CASR: variants seen among roughly 807,000 people sequenced by gnomAD.
CASR encodes calcium sensing receptor, also known as extracellular calcium-sensing receptor.
In CASR, 23 loss-of-function variants were observed where a neutral mutation model predicts 69.1. That is an observed-to-expected ratio of 0.33 (90% confidence interval 0.24 to 0.47). CASR has a LOEUF of 0.47. Among genes scored for constraint, CASR ranks in the 20% least tolerant of loss-of-function variants. The probability of loss-of-function intolerance (pLI) is 1.00; values close to 1 mark genes in which losing one functional copy is unlikely to be tolerated. For synonymous variants in CASR, 541 were observed against 544.7 expected (o/e 0.99, Z 0.10); for missense variants, 924 against 1,356.1 (o/e 0.68, Z 5.00).
At chr3:122,193,948 C>T (rs1342138106) in intron 1 of CASR, among the ~76,000 whole-genome samples, 1 of 152,026 alleles carries the variant, frequency 6.6e-6, no homozygotes, top group Non-Finnish European at 1.5e-5. Context: ...CTCCCAATAA[C>T]CCTCATTTAA....
chr3:122,283,589 C>G (rs1460916527), intron 6 of CASR, 98 bp from the exon 7 acceptor site: 10 of 935,106 alleles, frequency 1.1e-5, no homozygotes, highest in Non-Finnish European at 1.6e-5. Flanking sequence ...ATGTAGTGAC[C>G]ACATCCAAAA....
intron 2 of CASR, among the ~76,000 whole-genome samples, chr3:122,256,438 G>T (rs2074555000): frequency 6.6e-6 from 1 of 152,104 alleles, no homozygotes; most frequent in South Asian, 2.1e-4. Context: ...GCAGAAGACA[G>T]ATACAAATTA....
intron 4 of CASR, among the ~76,000 whole-genome samples, chr3:122,265,567 G>C (rs2074683335): frequency 6.6e-6 from 1 of 152,208 alleles, no homozygotes; most frequent in Non-Finnish European, 1.5e-5. Flanking sequence ...GTGAATAGCA[G>C]TCTAGTTGAT....
intron 1 of CASR, among the ~76,000 whole-genome samples, chr3:122,236,546 T>C (rs555727540): frequency 1.0e-3 from 155 of 152,206 alleles, no homozygotes; most frequent in Middle Eastern, 3.4e-3. Context: ...TATTTGGGGA[T>C]TAAAAAAACA....
rs1328381980 is a variant in CASR at position 122,286,839 on chromosome 3, C to T, written c.*1648C>T. 1.3e-5 allele frequency: 2 copies of T among 152,262 alleles called. No homozygotes were observed. The highest frequency in any genetic ancestry group is 1.9e-4 in the East Asian group (1 of 5,198). The allele number at this position is 152,262 out of a possible 1,614,324, so 9.4% of individuals were successfully genotyped here. On this transcript the variant is annotated 3_prime_UTR_variant, in exon 7 of 7. Transcript: ENST00000639785. ...TCTCCTGAAGCCTCAAATTTTACAG[C>T]TCTTGGTGACTTCTTCCCCTGACCA...
At chr3:122,262,551 C>A (rs2074641050) in intron 4 of CASR, 139 bp downstream of exon 4, 2 of 748,060 alleles carry the variant, frequency 2.7e-6, no homozygotes, top group East Asian at 2.7e-5. Flanking sequence ...ATTCAAAGTA[C>A]CTTTTTTAAA....
intron 2 of CASR, 129 bp from the exon 3 acceptor site, chr3:122,256,952 G>A (rs1218724314): frequency 2.5e-6 from 2 of 807,586 alleles, no homozygotes; most frequent in Non-Finnish European, 2.1e-6. Context: ...AGAGGGCTCT[G>A]TACAGAGCAT....
chr3:122,206,273 T>C (rs1346034448), intron 1 of CASR, among the ~76,000 whole-genome samples: 3 of 151,870 alleles, frequency 2.0e-5, no homozygotes, highest in African/African-American at 7.2e-5. Flanking sequence ...TGAGGGTTTT[T>C]TTTTTTATCA....
chr3:122,185,927 C>T (rs1432506082), intron 1 of CASR, among the ~76,000 whole-genome samples: 2 of 152,074 alleles, frequency 1.3e-5, no homozygotes, highest in Admixed American at 6.6e-5. Flanking sequence ...AGAGCCCTGT[C>T]ATTTGGGAAC....
chr3:122,243,386 A>G (rs2074396902), intron 1 of CASR, among the ~76,000 whole-genome samples: 1 of 152,196 alleles, frequency 6.6e-6, no homozygotes, highest in Non-Finnish European at 1.5e-5. Flanking sequence ...CTTTCTCAAA[A>G]GAAGACATAT....
At position 122,283,676 on chromosome 3, in the gene CASR, A is replaced by G. The variant is rs780819355; in HGVS notation, c.1733-11A>G. On this transcript the variant is annotated splice_polypyrimidine_tract_variant and intron_variant, in intron 6 of 6. Coordinates refer to ENST00000639785, the MANE Select transcript of CASR (RefSeq NM_000388.4). Reference sequence around the variant, plus strand: ...ACACAATAACTCACTCTTCACTGGGACATTTTACAGATGCCAGTGCCTGTA... The same window carrying G: ...ACACAATAACTCACTCTTCACTGGGGCATTTTACAGATGCCAGTGCCTGTA... The G allele has an allele frequency of 6.2e-7, 1 of 1,612,332 alleles. No homozygotes were observed. The highest frequency in any genetic ancestry group is 8.5e-7 in the Non-Finnish European group (1 of 1,178,388).
chr3:122,278,157 G>A lies in CASR; in HGVS notation c.1608+2115G>A, dbSNP rs555138608. On this transcript the variant is annotated intron_variant, in intron 5 of 6. Coordinates refer to ENST00000639785, the MANE Select transcript of CASR (RefSeq NM_000388.4). ...TCAAATGAGATCAAGGATGAAAAGC[G>A]TATGATAAACTGAATCATACTACTA... Among the ~76,000 whole-genome samples, 119 of 151,500 alleles carry A rather than the reference G, an allele frequency of 7.9e-4. No homozygotes were observed. The South Asian group carries it at 0.02, about 25-fold the overall frequency.
intron 4 of CASR, among the ~76,000 whole-genome samples, chr3:122,273,097 G>A (rs1246491380): frequency 2.0e-5 from 3 of 152,234 alleles, no homozygotes; most frequent in Admixed American, 2.0e-4. Context: ...TGCCTGGCAT[G>A]TTAAGAACCA....
chr3:122,241,059 C>T (rs775335596), intron 1 of CASR, among the ~76,000 whole-genome samples: 1 of 151,866 alleles, frequency 6.6e-6, no homozygotes, highest in African/African-American at 2.4e-5. Flanking sequence ...TTGAAAGATA[C>T]AAGTGCCTAC....
intron 1 of CASR, among the ~76,000 whole-genome samples, chr3:122,227,918 A>AATC (rs1559945209): frequency 6.6e-6 from 1 of 152,028 alleles, no homozygotes; most frequent in Non-Finnish European, 1.5e-5. Context: ...ATAAATAAAT[A>AATC]AATCAATCCC....
At chr3:122,184,299 G>C (rs2073752462) in intron 1 of CASR, 1 of 153,116 alleles carries the variant, frequency 6.5e-6, no homozygotes, top group African/African-American at 2.4e-5. Context: ...CCGGGGCCGG[G>C]GCCGGGGCCG....
At position 122,275,943 on chromosome 3, in the gene CASR, C is replaced by T. The variant is rs757499017; in HGVS notation, c.1509C>T (p.Ile503=). The T allele has an allele frequency of 1.1e-5, 18 of 1,613,914 alleles. No individual in the cohort carries two copies. The highest frequency in any genetic ancestry group is 1.4e-5 in the Non-Finnish European group (17 of 1,179,810). Residue 503 remains isoleucine, a synonymous_variant, in exon 5 of 7, where the codon ATC becomes ATT. Transcript: ENST00000639785. The part of the protein sequence containing the change: ...NWHLSPEDGS[I]VFKEVGYYNV... ...ACCTCTCCCCAGAGGATGGCTCCAT[C>T]GTGTTTAAGGAAGTCGGGTATTACA...
intron 1 of CASR, among the ~76,000 whole-genome samples, chr3:122,253,499 C>T (rs1478360612): frequency 6.6e-6 from 1 of 152,194 alleles, no homozygotes; most frequent in East Asian, 1.9e-4. Flanking sequence ...TGCCTCAGCT[C>T]CCCATAGTGC....
chr3:122,275,675 G>A (rs2074808601), intron 4 of CASR, 137 bp from the exon 5 acceptor site: 1 of 720,434 alleles, frequency 1.4e-6, no homozygotes, highest in Non-Finnish European at 2.6e-6. Flanking sequence ...ATTAGAAAAA[G>A]CTGTCTCTTC....
Sources: gnomAD v4.1 joint callset for allele counts (sites outside exome capture counted in the v4.1 genomes callset) on GRCh38, gnomAD v4.1.1 for gene constraint, MANE v1.5 for transcripts, NCBI Gene and HGNC (gene_info 2026-07-23, HGNC 2026-07-21) for gene names.